The following KRT27 variants were observed in gnomAD, a reference collection of about 807,000 sequenced individuals.
KRT27 encodes keratin 27.
Under a neutral mutation model 45.3 loss-of-function variants are expected in KRT27, and 30 were observed. The ratio of observed to expected loss-of-function variants is 0.66; its 90% CI spans 0.50 to 0.90. The LOEUF (loss-of-function observed/expected upper bound fraction) is 0.90, where lower values mean the gene tolerates loss of function less well. KRT27 is among the 40% of genes least tolerant of loss of function. KRT27 has a pLI of 0.00. For missense variants in KRT27, 610 were observed against 564.3 expected (o/e 1.08, Z -0.82); for synonymous variants, 204 against 223.9 (o/e 0.91, Z 0.79).
In KRT27 at chr17:40,782,089, G is replaced by A. The variant is rs768560166; in HGVS notation, c.405C>T (p.Tyr135=). ...PGSCRGLDHD[Y]SRYFPIIDEL... Reference sequence around the variant, plus strand: ...CGTCAATAATTGGGAAATATCTGCTGTAATCATGATCAAGGCCACGGCAAG... The same window carrying A: ...CGTCAATAATTGGGAAATATCTGCTATAATCATGATCAAGGCCACGGCAAG... The change falls in exon 1 of 8, where the codon TAC becomes TAT. Residue 135 remains tyrosine, a synonymous_variant. Transcript: ENST00000301656. 6.2e-7 allele frequency: 1 copy of A among 1,613,556 alleles called. No homozygotes were observed. The highest frequency in any genetic ancestry group is 8.5e-7 in the Non-Finnish European group (1 of 1,180,018).
At position 40,777,642 on chromosome 17, in the gene KRT27, C is replaced by T. The variant is rs1460398803; in HGVS notation, c.1063G>A (p.Glu355Lys). Reference protein sequence around the residue: ...QIQAQIGALEEQLHQVRTETE... With the variant: ...QIQAQIGALEKQLHQVRTETE... ...TCGGTTCTGACCTGGTGCAGCTGCTCCTCCAGGGCCCCGATCTGAGCCTGG... is the reference window on the plus strand; with the variant it reads ...TCGGTTCTGACCTGGTGCAGCTGCTTCTCCAGGGCCCCGATCTGAGCCTGG... Residue 355 changes from glutamate to lysine, a missense_variant, in exon 6 of 8, where the codon GAG becomes AAG. Physicochemically the swap from Glu to Lys is moderately conservative, Grantham distance 56. Transcript: ENST00000301656. The T allele has an allele frequency of 1.9e-6, 3 of 1,613,988 alleles. No individual in the cohort carries two copies. The highest frequency in any genetic ancestry group is 1.3e-5 in the African/African-American group (1 of 74,876).
chr17:40,776,830 T>A lies in KRT27; in HGVS notation c.*169A>T, dbSNP rs144921358. On this transcript the variant is annotated 3_prime_UTR_variant, in exon 8 of 8. Transcript: ENST00000301656. ...AGATGACTTGCAACAGGAAGAACTT[T>A]TATTGAAACACCACCATAGAGAAAA... The A allele has an allele frequency of 1.9e-6, 1 of 540,202 alleles. No individual in the cohort carries two copies. Among genetic ancestry groups the A allele is most frequent in the African/African-American group, 1.9e-5 (1 of 52,344 alleles). 33.5% of individuals were successfully genotyped at this position (540,202 alleles called of 1,614,324 possible). A position where few individuals can be genotyped will look rare whatever the true frequency, so the allele number is the denominator to read the frequency against.
rs1460398803 is a variant in KRT27 at position 40,777,642 on chromosome 17, C to G, written c.1063G>C (p.Glu355Gln). ...TCGGTTCTGACCTGGTGCAGCTGCTCCTCCAGGGCCCCGATCTGAGCCTGG... is the reference window on the plus strand; with the variant it reads ...TCGGTTCTGACCTGGTGCAGCTGCTGCTCCAGGGCCCCGATCTGAGCCTGG... The part of the protein sequence containing the change: ...QIQAQIGALE[E>Q]QLHQVRTETE... Residue 355 changes from glutamate to glutamine, a missense_variant, in exon 6 of 8, where the codon GAG (glutamate) becomes CAG (glutamine). Transcript: ENST00000301656. 1 of 1,613,988 alleles carries G rather than the reference C, an allele frequency of 6.2e-7. No homozygotes were observed. Among genetic ancestry groups the G allele is most frequent in the Non-Finnish European group, 8.5e-7 (1 of 1,180,010 alleles).
At chr17:40,777,775 G>A (rs2038278344) in intron 5 of KRT27, 43 bp from the exon 6 acceptor site, 2 of 1,588,452 alleles carry the variant, frequency 1.3e-6, no homozygotes, top group Non-Finnish European at 1.7e-6. Context: ...AGGTCACGGT[G>A]TTTTAGAATA....
chr17:40,780,011 C>G (rs2038297206), intron 3 of KRT27, 150 bp from the exon 4 acceptor site: 2 of 1,001,396 alleles, frequency 2.0e-6, no homozygotes, highest in South Asian at 3.6e-5. Context: ...AAGCGATCCT[C>G]CATTCTGGGT....
rs2143033739 is a variant in KRT27 at position 40,780,337 on chromosome 17, C to T, written c.647G>A (p.Ser216Asn). 1.2e-6 allele frequency: 2 copies of T among 1,612,616 alleles called. No individual in the cohort carries two copies. The highest frequency in any genetic ancestry group is 1.6e-4 in the Middle Eastern group (1 of 6,062). The change falls in exon 3 of 8, where the codon AGT (serine) becomes AAT (asparagine). Residue 216 changes from serine (S) to asparagine (N), a missense_variant. Transcript: ENST00000301656. ...TDLEIQLETL[S>N]EELAYLKKNH... ...CTTCTTGAGGTAAGCGAGCTCCTCA[C>T]TGAGAGTTTCCAGCTGGATCTCCAG...
intron 5 of KRT27, among the ~76,000 whole-genome samples, chr17:40,778,448 T>C (rs2038282720): frequency 6.6e-6 from 1 of 152,242 alleles, no homozygotes; most frequent in Non-Finnish European, 1.5e-5. Context: ...GGGAAAAGTA[T>C]AGACTTGGGA....
chr17:40,778,967 C>G (rs2038287217), intron 5 of KRT27, among the ~76,000 whole-genome samples: 1 of 152,024 alleles, frequency 6.6e-6, no homozygotes, highest in Non-Finnish European at 1.5e-5. Flanking sequence ...AAACATTTAT[C>G]TTTTTTGTGT....
intron 1 of KRT27, 55 bp from the exon 2 acceptor site, chr17:40,781,325 G>T (rs2038309967): frequency 1.9e-6 from 2 of 1,033,942 alleles, no homozygotes; most frequent in Non-Finnish European, 3.0e-6. Context: ...GCATTTCAAA[G>T]TTCCTTGAAA....
In KRT27 at chr17:40,777,119, A is replaced by G; in HGVS notation, c.1260T>C (p.Ile420=). The change falls in exon 8 of 8, where the codon ATT becomes ATC. Residue 420 remains isoleucine, a synonymous_variant. Transcript: ENST00000301656. ...CTATCTCTTCAACAACTGTTTTGAC[A>G]ATGGTGGTTTTAGATGAATCTAAAA... ...NQTKDSSKTT[I]VKTVVEEIDP... is the part of the protein sequence containing the mutation. 6.2e-7 allele frequency: 1 copy of G among 1,613,938 alleles called. No homozygotes were observed. The highest frequency in any genetic ancestry group is 8.5e-7 in the Non-Finnish European group (1 of 1,179,816).
Position 40,782,040 on chromosome 17 carries a change from C to A in KRT27, c.444+10G>T, listed in dbSNP as rs565637328. ...AGGAGTGCTAACACTCACGCCATGG[C>A]GTTTCTTACCTGGTTCTTAAGTTCG... is the stretch of plus-strand genomic sequence containing the variant. On this transcript the variant is annotated intron_variant, in intron 1 of 7. Transcript: ENST00000301656. The A allele has an allele frequency of 3.7e-6, 6 of 1,602,984 alleles. No individual in the cohort carries two copies. The East Asian group carries it at 6.7e-5, about 18-fold the overall frequency.
chr17:40,782,463 T>C lies in KRT27; in HGVS notation c.31A>G (p.Arg11Gly). The change falls in exon 1 of 8, where the codon AGA (arginine) becomes GGA (glycine). Residue 11 changes from arginine to glycine, a missense_variant. Physicochemically the swap from Arg to Gly is moderately radical, Grantham distance 125. Coordinates refer to ENST00000301656, the MANE Select transcript of KRT27 (RefSeq NM_181537.4). MSVRFSSTSR[R>G]LGSCGGTGSV... ...CCAGTGCCCCCGCAAGAGCCAAGTCTCCTGGAGGTAGAAGAAAAGCGCACA... is the reference window on the plus strand; with the variant it reads ...CCAGTGCCCCCGCAAGAGCCAAGTCCCCTGGAGGTAGAAGAAAAGCGCACA... 6.3e-7 allele frequency: 1 copy of C among 1,593,698 alleles called. No individual in the cohort carries two copies.
chr17:40,780,367 G>C lies in KRT27; in HGVS notation c.617C>G (p.Thr206Arg). ...AGTTTCCAGCTGGATCTCCAGGTCC[G>C]TTCTGCACAAGGTCAGCTCATCCAG... is the stretch of plus-strand genomic sequence containing the variant. Reference protein sequence around the residue: ...RVLDELTLCRTDLEIQLETLS... With the variant: ...RVLDELTLCRRDLEIQLETLS... Residue 206 changes from threonine to arginine, a missense_variant, in exon 3 of 8, where the codon ACG (threonine) becomes AGG (arginine). By Grantham distance (71) the Thr-to-Arg change is moderately conservative. Transcript: ENST00000301656. The C allele has an allele frequency of 6.2e-7, 1 of 1,613,222 alleles. No individual in the cohort carries two copies. The highest frequency in any genetic ancestry group is 1.1e-5 in the South Asian group (1 of 90,808).
At chr17:40,780,503 A>G in intron 2 of KRT27, 47 bp from the exon 3 acceptor site, 2 of 1,541,210 alleles carry the variant, frequency 1.3e-6, no homozygotes, top group Non-Finnish European at 1.8e-6. Flanking sequence ...TAGACATGGC[A>G]CATCACTTTT....
chr17:40,777,578 T>C lies in KRT27; in HGVS notation c.1127A>G (p.Asp376Gly). 6.2e-7 allele frequency: 1 copy of C among 1,614,012 alleles called. No individual in the cohort carries two copies. Among genetic ancestry groups the C allele is most frequent in the Non-Finnish European group, 8.5e-7 (1 of 1,179,902 alleles). ...TTCTTTTTCCAGGTGGACCTTGATG[T>C]CAAGGAGCTGCTCATACTCGAGCTT... is the stretch of plus-strand genomic sequence containing the variant. Reference protein sequence around the residue: ...GQKLEYEQLLDIKVHLEKEIE... With the variant: ...GQKLEYEQLLGIKVHLEKEIE... Residue 376 changes from aspartate (D) to glycine (G), a missense_variant, in exon 6 of 8, where the codon GAC (aspartate) becomes GGC (glycine). Asp to Gly is a moderately conservative substitution (Grantham distance 94). Transcript: ENST00000301656.
chr17:40,777,380 T>G lies in KRT27; in HGVS notation c.1191-78A>C, dbSNP rs1344717631. The G allele has an allele frequency of 1.9e-6, 3 of 1,540,012 alleles. No individual in the cohort carries two copies. In the Admixed American group the frequency reaches 5.5e-5, roughly 28 times the overall value. ...GAAAAATAATGATTTAAGGTGGGAA[T>G]TCACTGCATTCTGAAATAACACTAA... is the stretch of plus-strand genomic sequence containing the variant. On this transcript the variant is annotated intron_variant, in intron 6 of 7. Transcript: ENST00000301656.
intron 5 of KRT27, chr17:40,778,038 T>C: frequency 6.2e-6 from 2 of 322,178 alleles, no homozygotes; most frequent in East Asian, 6.4e-5. Flanking sequence ...AGCCTGTGCT[T>C]GTAGAGTGTG....
chr17:40,780,379 G>A lies in KRT27; in HGVS notation c.605C>T (p.Thr202Ile). The A allele has an allele frequency of 6.2e-7, 1 of 1,613,642 alleles. No individual in the cohort carries two copies. Among genetic ancestry groups the A allele is most frequent in the Non-Finnish European group, 8.5e-7 (1 of 1,179,818 alleles). The change falls in exon 3 of 8, where the codon ACC becomes ATC. Residue 202 changes from threonine to isoleucine, a missense_variant. By Grantham distance (89) the Thr-to-Ile change is moderately conservative. Transcript: ENST00000301656. ...GATCTCCAGGTCCGTTCTGCACAAG[G>A]TCAGCTCATCCAGGACTCTTCGCAA... is the stretch of plus-strand genomic sequence containing the variant. ...NGLRRVLDEL[T>I]LCRTDLEIQL...
rs1567680167 is a variant in KRT27, at chr17:40,779,515, G to C, written c.959C>G (p.Ser320Cys). The part of the protein sequence containing the change: ...TLQTLEIELQ[S>C]LLATKHSLEC... ...CTTTTCGCTTACCGTTGCTAAGAGG[G>C]ACTGAAGTTCAATCTCAAGGGTTTG... is the stretch of plus-strand genomic sequence containing the variant. The change falls in exon 5 of 8, where the codon TCC becomes TGC. Residue 320 changes from serine to cysteine, a missense_variant. Ser to Cys is a moderately radical substitution (Grantham distance 112, BLOSUM62 -1). Coordinates refer to ENST00000301656, the MANE Select transcript of KRT27 (RefSeq NM_181537.4). The C allele has an allele frequency of 7.4e-6, 12 of 1,613,256 alleles. No individual in the cohort carries two copies. Among genetic ancestry groups the C allele is most frequent in the Non-Finnish European group, 1.0e-5 (12 of 1,179,456 alleles).
Sources: gnomAD v4.1 joint callset for allele counts (sites outside exome capture counted in the v4.1 genomes callset) on GRCh38, gnomAD v4.1.1 for gene constraint, MANE v1.5 for transcripts, NCBI Gene and HGNC (gene_info 2026-07-23, HGNC 2026-07-21) for gene names.